The following TBC1D26 variants were observed in gnomAD, a reference collection of about 807,000 sequenced individuals.
TBC1D26 encodes the protein TBC1 domain family, member 26.
TBC1D26 carries 19 observed loss-of-function variants against 42.5 expected under a neutral mutation model. That is an observed-to-expected ratio of 0.45 (90% CI 0.31 to 0.66). The LOEUF (loss-of-function observed/expected upper bound fraction) is 0.66, where lower values mean the gene tolerates loss of function less well. Ranked by LOEUF, TBC1D26 falls within the 30% of genes least tolerant of loss-of-function variation. TBC1D26 has a pLI of 0.06. For synonymous variants in TBC1D26, 97 were observed against 123.5 expected (o/e 0.79, Z 1.42); for missense variants, 228 against 332.6 (o/e 0.69, Z 2.45).
intron 5 of TBC1D26, chr17:15,737,757 C>T: frequency 1.2e-6 from 1 of 802,822 alleles, no homozygotes. Flanking sequence ...AAGACCCCAG[C>T]TGAAGGCTGG....
chr17:15,741,249 G>C (rs764625905), intron 10 of TBC1D26, 28 bp downstream of exon 10: 2 of 1,612,872 alleles, frequency 1.2e-6, no homozygotes, highest in East Asian at 4.5e-5. Flanking sequence ...TGGGTAGGTG[G>C]ACAGCTGCCC....
rs1341640602 is a variant in TBC1D26, at chr17:15,740,712, G to A, written c.547-410G>A. 2.8e-6 allele frequency: 3 copies of A among 1,083,316 alleles called. No homozygotes were observed. The African/African-American group carries it at 5.0e-5, about 18-fold the overall frequency. 67.1% of individuals were successfully genotyped at this position (1,083,316 alleles called of 1,614,324 possible). On this transcript the variant is annotated intron_variant, in intron 9 of 14. Coordinates refer to ENST00000437605, the MANE Select transcript of TBC1D26 (RefSeq NM_001388465.1). ...ACCCAGCCACCCCTTATGTCCGGCA[G>A]GCAGCCCTTGGGCTGTTGCAGGACC... is the stretch of plus-strand genomic sequence containing the variant.
At chr17:15,742,086 G>T (rs1967803320) in intron 11 of TBC1D26, 50 bp downstream of exon 11, 1 of 1,520,318 alleles carries the variant, frequency 6.6e-7, no homozygotes, top group African/African-American at 1.4e-5. Context: ...GGCCCCCATA[G>T]GCCAGGGGAG....
rs1967674515 is a variant in TBC1D26, at chr17:15,738,177, G to C, written c.279+100G>C. The C allele has an allele frequency of 1.1e-5, 17 of 1,608,444 alleles. No individual in the cohort carries two copies. The South Asian group carries it at 1.6e-4, about 16-fold the overall frequency. On this transcript the variant is annotated intron_variant, in intron 6 of 14. Coordinates refer to ENST00000437605, the MANE Select transcript of TBC1D26 (RefSeq NM_001388465.1). ...GGCACCGTCTGCCTCTCAGTGGGTGGGTGGTACCCCATCCTTGCCATAGGA... is the reference window on the plus strand; with the variant it reads ...GGCACCGTCTGCCTCTCAGTGGGTGCGTGGTACCCCATCCTTGCCATAGGA...
intron 2 of TBC1D26, 126 bp from the exon 3 acceptor site, chr17:15,735,222 A>G (rs537280194): frequency 2.9e-5 from 31 of 1,079,516 alleles, no homozygotes; most frequent in Non-Finnish European, 4.3e-5. Context: ...GGCCCCTGTC[A>G]TCTGGGAGGG....
At chr17:15,740,706 C>T in intron 9 of TBC1D26, 1 of 1,086,148 alleles carries the variant, frequency 9.2e-7, no homozygotes, top group South Asian at 3.0e-5. Flanking sequence ...CCCCTTATGT[C>T]CGGCAGGCAG....
intron 4 of TBC1D26, among the ~76,000 whole-genome samples, chr17:15,736,939 G>A (rs1472423144): frequency 6.6e-6 from 1 of 152,226 alleles, no homozygotes; most frequent in East Asian, 1.9e-4. Flanking sequence ...GAGCAGGCAG[G>A]GTGAGCGGCC....
intron 9 of TBC1D26, 103 bp downstream of exon 9, chr17:15,740,251 C>G (rs763718187): frequency 2.9e-5 from 47 of 1,613,172 alleles, no homozygotes; most frequent in Non-Finnish European, 3.8e-5. Context: ...CAGTGTTTGT[C>G]CACCAGGACG....
At chr17:15,737,769 C>T in intron 5 of TBC1D26, 1 of 790,596 alleles carries the variant, frequency 1.3e-6, no homozygotes, top group Non-Finnish European at 2.0e-6. Flanking sequence ...GAAGGCTGGA[C>T]CTGACCAAAA....
chr17:15,734,078 C>G (rs1201051951), intron 1 of TBC1D26: 4 of 152,164 alleles, frequency 2.6e-5, no homozygotes, highest in Non-Finnish European at 4.4e-5. Flanking sequence ...CCAAATGTAG[C>G]CATTCCACAG....
chr17:15,740,941 G>A (rs187208229), intron 9 of TBC1D26, 181 bp from the exon 10 acceptor site: 172 of 776,550 alleles, frequency 2.2e-4, no homozygotes, highest in Admixed American at 4.7e-4. Flanking sequence ...TGAGTTGTGC[G>A]TGACCTGCTC....
intron 8 of TBC1D26, among the ~76,000 whole-genome samples, chr17:15,739,867 G>A (rs1967725999): frequency 6.6e-6 from 1 of 152,264 alleles, no homozygotes; most frequent in Non-Finnish European, 1.5e-5. Flanking sequence ...AAATCAACCA[G>A]AGTGAAAAAT....
At position 15,734,931 on chromosome 17, in the gene TBC1D26, A is replaced by G; in HGVS notation, c.-141A>G. Reference sequence around the variant, plus strand: ...CACCAGATGTCTTGCTTCCTACAGAAAACTGATTATATTCCTGGTCCCTGA... The same window carrying G: ...CACCAGATGTCTTGCTTCCTACAGAGAACTGATTATATTCCTGGTCCCTGA... On this transcript the variant is annotated splice_region_variant and 5_prime_UTR_variant, in exon 2 of 15. Transcript: ENST00000437605. 1 of 210,980 alleles carries G rather than the reference A, an allele frequency of 4.7e-6. No individual in the cohort carries two copies. The highest frequency in any genetic ancestry group is 9.6e-6 in the Non-Finnish European group (1 of 104,654). The allele number at this position is 210,980 out of a possible 1,614,324, so 13.1% of individuals were successfully genotyped here.
intron 9 of TBC1D26, 130 bp downstream of exon 9, chr17:15,740,278 A>G (rs1196740307): frequency 3.7e-6 from 6 of 1,605,222 alleles, no homozygotes; most frequent in Non-Finnish European, 5.1e-6. Flanking sequence ...GCAGGACTTC[A>G]GCTCGCTGCT....
chr17:15,742,278 C>A, intron 11 of TBC1D26, 136 bp from the exon 12 acceptor site: 1 of 534,252 alleles, frequency 1.9e-6, no homozygotes, highest in South Asian at 2.1e-5. Context: ...ACCGGGCGTC[C>A]GTGCATGGGG....
intron 7 of TBC1D26, 158 bp from the exon 8 acceptor site, chr17:15,738,563 C>T (rs545251756): frequency 7.2e-7 from 1 of 1,389,546 alleles, no homozygotes; most frequent in South Asian, 1.3e-5. Flanking sequence ...TCTGCTGACC[C>T]TCCCTGGTGT....
At chr17:15,734,652 G>C (rs1967562408) in intron 1 of TBC1D26, 1 of 156,760 alleles carries the variant, frequency 6.4e-6, no homozygotes, top group Non-Finnish European at 1.4e-5. Context: ...TCCCCCAGGT[G>C]TTCTCTAGGA....
chr17:15,737,675 C>T, intron 5 of TBC1D26, 152 bp downstream of exon 5: 2 of 1,111,814 alleles, frequency 1.8e-6, no homozygotes, highest in Admixed American at 2.7e-5. Context: ...GGACTCTGTT[C>T]CCATGAGGAC....
chr17:15,740,980 G>A lies in TBC1D26; in HGVS notation c.547-142G>A, dbSNP rs571036472. The stretch of plus-strand genomic sequence containing the variant: ...CCTCATGTCCAGTGCCAGGGGAGGG[G>A]TGCAGAGGCTGCACCTCAAATCCCC... On this transcript the variant is annotated intron_variant, in intron 9 of 14. Coordinates refer to ENST00000437605, the MANE Select transcript of TBC1D26 (RefSeq NM_001388465.1). The A allele has an allele frequency of 8.9e-5, 98 of 1,098,626 alleles. No individual in the cohort carries two copies. The African/African-American group carries it at 1.3e-3, about 15-fold the overall frequency. The allele number at this position is 1,098,626 out of a possible 1,614,324, so 68.1% of individuals were successfully genotyped here.
Sources: allele counts gnomAD v4.1 joint callset (sites outside exome capture counted in the v4.1 genomes callset), GRCh38; gene constraint gnomAD v4.1.1; transcripts MANE v1.5; gene names NCBI Gene and HGNC (gene_info 2026-07-23, HGNC 2026-07-21).